AGBL1: variants seen among roughly 807,000 people sequenced by gnomAD.
AGBL1 encodes AGBL carboxypeptidase 1.
Under a neutral mutation model 118.9 loss-of-function variants are expected in AGBL1, and 130 were observed. That is an observed-to-expected ratio of 1.09 (90% CI 0.95 to 1.26). AGBL1 has a LOEUF of 1.26. Among genes scored for constraint, AGBL1 ranks in the 50% most tolerant of loss-of-function variants. AGBL1 has a pLI of 0.00. For synonymous variants in AGBL1, 555 were observed against 478.9 expected, an observed-to-expected ratio of 1.16 and a Z score of -2.08; for missense variants, 1,584 against 1,298.1, an observed-to-expected ratio of 1.22 and a Z score of -3.38.
intron 13 of AGBL1, among the ~76,000 whole-genome samples, chr15:86,267,287 T>G (rs1297633915): frequency 6.6e-6 from 1 of 151,944 alleles, no homozygotes; most frequent in Non-Finnish European, 1.5e-5. Flanking sequence ...AGTACACCAC[T>G]AAGTGTACTG....
intron 1 of AGBL1, among the ~76,000 whole-genome samples, chr15:86,086,765 TTG>T (rs1180480660): frequency 1.3e-5 from 2 of 152,180 alleles, no homozygotes; most frequent in African/African-American, 4.8e-5. Context: ...TTGCTTAACT[TTG>T]TGCGATTCCT....
intron 22 of AGBL1, among the ~76,000 whole-genome samples, chr15:86,831,083 G>A (rs541047353): frequency 1.3e-5 from 2 of 152,244 alleles, no homozygotes; most frequent in South Asian, 2.1e-4. Flanking sequence ...CCTCTTCTAT[G>A]TAACACCATC....
intron 18 of AGBL1, among the ~76,000 whole-genome samples, chr15:86,492,573 G>T (rs1443177345): frequency 6.9e-6 from 1 of 144,294 alleles, no homozygotes; most frequent in Non-Finnish European, 1.5e-5. Context: ...CTGGGTGAAA[G>T]AGCGAGACTC....
intron 5 of AGBL1, among the ~76,000 whole-genome samples, chr15:86,186,574 C>T (rs1366255661): frequency 6.6e-6 from 1 of 152,108 alleles, no homozygotes; most frequent in Admixed American, 6.5e-5. Context: ...TGCTGCAGGC[C>T]TGTCAAAATG....
intron 1 of AGBL1, among the ~76,000 whole-genome samples, chr15:86,118,280 G>A (rs180892826): frequency 1.6e-4 from 24 of 152,246 alleles, no homozygotes; most frequent in Admixed American, 1.3e-3. Flanking sequence ...GGCTGGCAGA[G>A]GAGAATGAGA....
At chr15:86,792,159 CTT>C (rs1296503910) in intron 22 of AGBL1, among the ~76,000 whole-genome samples, 1 of 152,178 alleles carries the variant, frequency 6.6e-6, no homozygotes, top group Non-Finnish European at 1.5e-5. Context: ...CCTGTCCTAA[CTT>C]TCAATACCAT....
chr15:86,161,560 CCA>C (rs1332354528), intron 5 of AGBL1, among the ~76,000 whole-genome samples: 1 of 152,188 alleles, frequency 6.6e-6, no homozygotes, highest in African/African-American at 2.4e-5. Flanking sequence ...ATTTCTACAA[CCA>C]TCATATGTAA....
intron 5 of AGBL1, among the ~76,000 whole-genome samples, chr15:86,160,828 G>T: frequency 6.6e-6 from 1 of 152,196 alleles, no homozygotes; most frequent in East Asian, 1.9e-4. Flanking sequence ...TGTTTGGAAG[G>T]CTCCCCTAGG....
chr15:86,519,732 C>A (rs183065846), intron 18 of AGBL1, among the ~76,000 whole-genome samples: 1 of 152,102 alleles, frequency 6.6e-6, no homozygotes, highest in Admixed American at 6.5e-5. Context: ...ATCCACACAA[C>A]CTATCTACAC....
intron 18 of AGBL1, among the ~76,000 whole-genome samples, chr15:86,476,559 A>G (rs968972820): frequency 6.6e-6 from 1 of 152,230 alleles, no homozygotes; most frequent in Non-Finnish European, 1.5e-5. Flanking sequence ...CACCCAATAC[A>G]GGAGCACCCA....
chr15:86,289,742 C>T lies in AGBL1; in HGVS notation c.2221-5513C>T, dbSNP rs1300785311. 3.3e-5 allele frequency among the ~76,000 whole-genome samples: 5 copies of T among 152,120 alleles called. 1 individual carries two copies. Among genetic ancestry groups the T allele is most frequent in the South Asian group, 4.1e-4 (2 of 4,830 alleles). ...TCCTTTGGCTCTGACTTCTTATCTC[C>T]TTCTTTCACTTATAAGGACCTTTGT... On this transcript the variant is annotated intron_variant, in intron 16 of 22. Transcript: ENST00000614907.
intron 22 of AGBL1, among the ~76,000 whole-genome samples, chr15:86,894,039 C>G: frequency 6.6e-6 from 1 of 152,102 alleles, no homozygotes; most frequent in East Asian, 1.9e-4. Flanking sequence ...TTATATTTTG[C>G]CCCTACACCA....
chr15:86,272,017 G>GC (rs1351207885), intron 15 of AGBL1, among the ~76,000 whole-genome samples: 1 of 152,190 alleles, frequency 6.6e-6, no homozygotes, highest in Non-Finnish European at 1.5e-5. Context: ...AGTGTGTCAA[G>GC]CCTTAGTTCT....
chr15:86,691,021 G>T (rs1253869027), intron 22 of AGBL1, among the ~76,000 whole-genome samples: 1 of 152,008 alleles, frequency 6.6e-6, no homozygotes, highest in Non-Finnish European at 1.5e-5. Context: ...AGGAACAAAA[G>T]ATATTAATTC....
chr15:86,762,390 C>A (rs1049527470), intron 22 of AGBL1, among the ~76,000 whole-genome samples: 1 of 151,848 alleles, frequency 6.6e-6, no homozygotes, highest in African/African-American at 2.4e-5. Context: ...AAAAATACCC[C>A]CTGCCCCCTG....
At chr15:86,994,269 A>C (rs1047026813) in intron 24 of AGBL1, among the ~76,000 whole-genome samples, 7 of 152,038 alleles carry the variant, frequency 4.6e-5, no homozygotes, top group African/African-American at 1.7e-4. Context: ...TCACTTGAAC[A>C]ACTTTGAAAA....
chr15:86,789,081 G>A (rs553513590), intron 22 of AGBL1, among the ~76,000 whole-genome samples: 1 of 152,260 alleles, frequency 6.6e-6, no homozygotes, highest in Non-Finnish European at 1.5e-5. Context: ...CATGTGCAAG[G>A]TCAAAGCTTT....
intron 24 of AGBL1, among the ~76,000 whole-genome samples, chr15:86,997,579 A>G (rs2081391582): frequency 6.6e-6 from 1 of 152,154 alleles, no homozygotes. Context: ...CACAATAGAT[A>G]TTGATGGATC....
chr15:86,166,625 G>C (rs117709816), intron 5 of AGBL1, among the ~76,000 whole-genome samples: 1,957 of 152,306 alleles, frequency 0.013, 26 homozygotes, highest in East Asian at 0.071. Flanking sequence ...TGGTGAACCA[G>C]ATTCCTTCAG....
Sources: allele counts gnomAD v4.1 joint callset (sites outside exome capture counted in the v4.1 genomes callset), GRCh38; gene constraint gnomAD v4.1.1; transcripts MANE v1.5; gene names NCBI Gene and HGNC (gene_info 2026-07-23, HGNC 2026-07-21).